SET: variants seen among roughly 807,000 people sequenced by gnomAD.
SET encodes the protein protein SET.
Under a neutral mutation model 39.0 loss-of-function variants are expected in SET, and 4 were observed. That is an observed-to-expected ratio of 0.10 (90% CI 0.05 to 0.23). The LOEUF (loss-of-function observed/expected upper bound fraction) is 0.23. Among genes scored for constraint, SET ranks in the 10% least tolerant of loss-of-function variants. The probability of loss-of-function intolerance (pLI) is 1.00; values close to 1 mark genes in which losing one functional copy is unlikely to be tolerated. For synonymous variants in SET, 114 were observed against 115.9 expected, an observed-to-expected ratio of 0.98 and a Z score of 0.11; for missense variants, 137 against 329.7, an observed-to-expected ratio of 0.42 and a Z score of 4.53.
chr9:128,688,727 G>A (rs1448310648), upstream of SET, among the ~76,000 whole-genome samples: 5 of 152,200 alleles, frequency 3.3e-5, no homozygotes, highest in East Asian at 7.7e-4. Flanking sequence ...CTTCGCACAC[G>A]AGCCCGAGTT....
rs1861626484 is a variant in SET, at chr9:128,693,741, C to T, written c.596C>T (p.Ala199Val). Residue 199 changes from alanine (A) to valine (V), a missense_variant, in exon 6 of 8, where the codon GCA (alanine) becomes GTA (valine). This residue lies in a region of SET where 59 missense variants were observed against 237.2 expected (regional missense o/e 0.25). Transcript: ENST00000322030. Reference protein sequence around the residue: ...FFTWFTDHSDAGADELGEVIK... With the variant: ...FFTWFTDHSDVGADELGEVIK... ...ACCTGGTTTACTGACCATTCTGATG[C>T]AGGTGCTGATGAGTTAGGAGAGGTC... is the stretch of plus-strand genomic sequence containing the variant. 2 of 1,613,734 alleles carry T rather than the reference C, an allele frequency of 1.2e-6. No homozygotes were observed. Among genetic ancestry groups the T allele is most frequent in the Non-Finnish European group, 1.7e-6 (2 of 1,180,004 alleles).
At chr9:128,684,773 C>G (rs1589449256), upstream of SET, among the ~76,000 whole-genome samples, 2 of 152,176 alleles carry the variant, frequency 1.3e-5, no homozygotes, top group African/African-American at 4.8e-5. Context: ...TGGAAAGTCA[C>G]TTCCTGTGGG....
At chr9:128,692,348 G>A (rs1861568964) in intron 3 of SET, 1 of 207,060 alleles carries the variant, frequency 4.8e-6, no homozygotes, top group African/African-American at 2.9e-5. Context: ...AGTGAGCCGA[G>A]ATTGTGCGCT....
rs1861700447 is a variant in SET at position 128,695,447 on chromosome 9, T to A, written c.*783T>A. The A allele has an allele frequency of 4.5e-6, 1 of 222,454 alleles. No individual in the cohort carries two copies. Among genetic ancestry groups the A allele is most frequent in the African/African-American group, 2.2e-5 (1 of 44,874 alleles). The allele number at this position is 222,454 out of a possible 1,614,324, so 13.8% of individuals were successfully genotyped here. A position where few individuals can be genotyped will look rare whatever the true frequency, so the allele number is the denominator to read the frequency against. ...TTTATTTTTAAATTTTCTTTTTGTT[T>A]CACTGGAAAGGAAAGATGATGCTCA... On this transcript the variant is annotated 3_prime_UTR_variant, in exon 8 of 8. Coordinates refer to ENST00000322030, the MANE Select transcript of SET (RefSeq NM_003011.4).
rs1455537389 is a variant in SET at position 128,691,280 on chromosome 9, G to A, written c.131+53G>A. On this transcript the variant is annotated intron_variant, in intron 2 of 7. Transcript: ENST00000322030. ...GAAATTTTCTGAGATGTGTCTAATA[G>A]CCCGGTAATTATCGAAGCTATGGTC... is the stretch of plus-strand genomic sequence containing the variant. The A allele has an allele frequency of 3.6e-6, 4 of 1,115,610 alleles. No homozygotes were observed. In the East Asian group the frequency reaches 9.4e-5, roughly 26 times the overall value. The allele number at this position is 1,115,610 out of a possible 1,614,324, so 69.1% of individuals were successfully genotyped here.
intron 6 of SET, 21 bp downstream of exon 6, chr9:128,693,829 A>T: frequency 6.2e-7 from 1 of 1,609,438 alleles, no homozygotes; most frequent in African/African-American, 1.3e-5. Flanking sequence ...ATACTCATTT[A>T]TTCAAGGTTG....
intron 1 of SET, chr9:128,690,671 T>G (rs942610230): frequency 5.9e-6 from 1 of 169,720 alleles, no homozygotes; most frequent in African/African-American, 2.4e-5. Flanking sequence ...TTCCAGTCTT[T>G]GTAGGCGTGC....
chr9:128,685,225 A>G, upstream of SET: 1 of 1,593,892 alleles, frequency 6.3e-7, no homozygotes, highest in South Asian at 1.1e-5. Flanking sequence ...TGAGCCACAT[A>G]AAACAACTTG....
chr9:128,691,801 C>A (rs939882901), intron 2 of SET, 57 bp from the exon 3 acceptor site: 3 of 1,521,240 alleles, frequency 2.0e-6, no homozygotes, highest in Non-Finnish European at 2.7e-6. Context: ...TAATCTCAAC[C>A]AATTTTTTAA....
At chr9:128,688,355 G>C (rs1166957387), upstream of SET, among the ~76,000 whole-genome samples, 1 of 152,180 alleles carries the variant, frequency 6.6e-6, no homozygotes, top group Non-Finnish European at 1.5e-5. Context: ...CTCCTTAGTG[G>C]TTCAGAACTT....
chr9:128,686,726 C>T (rs1861296002), upstream of SET, among the ~76,000 whole-genome samples: 1 of 152,070 alleles, frequency 6.6e-6, no homozygotes, highest in East Asian at 1.9e-4. Flanking sequence ...AATCCCAGAG[C>T]TCTGGAAGGC....
chr9:128,687,993 G>C (rs1861347179), upstream of SET, among the ~76,000 whole-genome samples: 1 of 152,158 alleles, frequency 6.6e-6, no homozygotes, highest in South Asian at 2.1e-4. Flanking sequence ...GAGGTGAGTG[G>C]ATCACCCCAG....
chr9:128,687,790 T>G (rs1481592064), upstream of SET, among the ~76,000 whole-genome samples: 1 of 152,140 alleles, frequency 6.6e-6, no homozygotes, highest in African/African-American at 2.4e-5. Flanking sequence ...AGTGGCTGCA[T>G]TGGGGCTCAT....
chr9:128,689,297 G>T lies in SET; in HGVS notation c.-286G>T. ...GCGAGCTGGCTGGATCGCCGAGCGC[G>T]AGTGAGGGAGCCGAGCCGCCCGCCG... On this transcript the variant is annotated 5_prime_UTR_variant, in exon 1 of 8. Transcript: ENST00000322030. 9.8e-7 allele frequency: 1 copy of T among 1,021,082 alleles called. No homozygotes were observed. The highest frequency in any genetic ancestry group is 1.2e-6 in the Non-Finnish European group (1 of 852,504). 63.3% of individuals were successfully genotyped at this position (1,021,082 alleles called of 1,614,324 possible).
Position 128,689,303 on chromosome 9 carries a change from G to A in SET, c.-280G>A. 9.8e-7 allele frequency: 1 copy of A among 1,024,408 alleles called. No homozygotes were observed. Among genetic ancestry groups the A allele is most frequent in the Non-Finnish European group, 1.2e-6 (1 of 854,668 alleles). 63.5% of individuals were successfully genotyped at this position (1,024,408 alleles called of 1,614,324 possible). On this transcript the variant is annotated 5_prime_UTR_variant, in exon 1 of 8. Coordinates refer to ENST00000322030, the MANE Select transcript of SET (RefSeq NM_003011.4). ...TGGCTGGATCGCCGAGCGCGAGTGA[G>A]GGAGCCGAGCCGCCCGCCGCCGCCG... is the stretch of plus-strand genomic sequence containing the variant.
At chr9:128,684,527 T>C (rs1268896335), upstream of SET, among the ~76,000 whole-genome samples, 1 of 152,038 alleles carries the variant, frequency 6.6e-6, no homozygotes, top group East Asian at 1.9e-4. Context: ...ACTCCCCGGC[T>C]TAAACCCCTC....
chr9:128,683,806 G>C, exon 1 of SET: 1 of 1,162,300 alleles, frequency 8.6e-7, no homozygotes, highest in Non-Finnish European at 1.2e-6. Flanking sequence ...GCAGATTTAA[G>C]CCGCTGGCAC....
exon 1 of SET, chr9:128,683,740 C>T: frequency 3.4e-6 from 2 of 583,460 alleles, no homozygotes; most frequent in East Asian, 3.1e-5. Context: ...GGGAGGGGGC[C>T]GGGGTGTGTG....
chr9:128,691,836 C>T (rs780208886), intron 2 of SET, 22 bp from the exon 3 acceptor site: 60 of 1,599,424 alleles, frequency 3.8e-5, no homozygotes, highest in Non-Finnish European at 4.6e-5. Flanking sequence ...TCATTGTCAA[C>T]ATCTCTTTTC....
Sources: gnomAD v4.1 joint callset for allele counts (sites outside exome capture counted in the v4.1 genomes callset) on GRCh38, gnomAD v4.1.1 for gene constraint, gnomAD v4.1.1 regional missense constraint, MANE v1.5 for transcripts, NCBI Gene and HGNC (gene_info 2026-07-23, HGNC 2026-07-21) for gene names.